MECOM: variants seen among roughly 807,000 people sequenced by gnomAD.
MECOM encodes MDS1 and EVI1 complex locus.
MECOM carries 13 observed loss-of-function variants against 116.3 expected under a neutral mutation model. That is an observed-to-expected ratio of 0.11 (90% CI 0.07 to 0.18). MECOM has a LOEUF of 0.18. Among genes scored for constraint, MECOM ranks in the 10% least tolerant of loss-of-function variants. MECOM has a pLI of 1.00. For missense variants in MECOM, 1,299 were observed against 1,509.0 expected (o/e 0.86, Z 2.31); for synonymous variants, 528 against 535.2 (o/e 0.99, Z 0.19).
In MECOM at chr3:169,085,076, GCATTTGAAAAA is replaced by G. The variant is rs1717216811; in HGVS notation, c.3586-44_3586-34del. 3.1e-6 allele frequency: 5 copies of G among 1,612,672 alleles called. No individual in the cohort carries two copies. In the African/African-American group the frequency reaches 5.3e-5, roughly 17 times the overall value. On this transcript the variant is annotated intron_variant, in intron 16 of 16. Coordinates refer to ENST00000651503, the MANE Select transcript of MECOM (RefSeq NM_004991.4). ...AAAAAGGAGAGAGACTCAGTAAATGGCATTTGAAAAACATCACTTTTAGTTCAAAGAATATT... is the reference window on the plus strand; with the variant it reads ...AAAAAGGAGAGAGACTCAGTAAATGGCATCACTTTTAGTTCAAAGAATATT...
intron 1 of MECOM, among the ~76,000 whole-genome samples, chr3:169,475,617 T>G (rs1436173477): frequency 1.3e-5 from 2 of 151,696 alleles, no homozygotes. Context: ...CTGTCTTAAA[T>G]CGGGTAGAAA....
rs188878241 is a variant in MECOM, at chr3:169,580,312, T to C, written c.37+83024A>G. Among the ~76,000 whole-genome samples, 994 of 152,286 alleles carry C rather than the reference T, an allele frequency of 6.5e-3. 14 individuals are homozygous for C. The highest frequency in any genetic ancestry group is 0.023 in the African/African-American group (952 of 41,534). On this transcript the variant is annotated intron_variant, in intron 1 of 16. Transcript: ENST00000651503. ...TTAGTGATGATTTCTGAGATTTTGG[T>C]GGACCCATCACCCGAGCAGGGTACG...
intron 2 of MECOM, among the ~76,000 whole-genome samples, chr3:169,319,981 A>T (rs758539966): frequency 6.6e-6 from 1 of 152,254 alleles, no homozygotes; most frequent in African/African-American, 2.4e-5. Flanking sequence ...CAAAGGATTT[A>T]ACAAGAGGTC....
chr3:169,487,051 A>C lies in MECOM; in HGVS notation c.38-105527T>G, dbSNP rs373404035. Among the ~76,000 whole-genome samples the C allele has an allele frequency of 1.1e-4, 16 of 152,210 alleles. 1 individual carries two copies. The highest frequency in any genetic ancestry group is 3.9e-4 in the African/African-American group (16 of 41,542). ...TATCTCATGTCTTTCTTTTGGTTTT[A>C]ATTTTTATTTCACATTTTTAATTGT... On this transcript the variant is annotated intron_variant, in intron 1 of 16. Coordinates refer to ENST00000651503, the MANE Select transcript of MECOM (RefSeq NM_004991.4).
intron 2 of MECOM, among the ~76,000 whole-genome samples, chr3:169,253,981 T>C (rs1756558587): frequency 1.3e-5 from 2 of 152,152 alleles, no homozygotes; most frequent in Non-Finnish European, 2.9e-5. Flanking sequence ...GTTATTCCTA[T>C]GAAATATTTA....
At chr3:169,233,809 T>G (rs1753700537) in intron 2 of MECOM, among the ~76,000 whole-genome samples, 2 of 152,174 alleles carry the variant, frequency 1.3e-5, no homozygotes, top group Non-Finnish European at 2.9e-5. Context: ...GTAAAGAGCA[T>G]GCTGCACCTA....
At chr3:169,226,436 T>C (rs1560016703) in intron 2 of MECOM, among the ~76,000 whole-genome samples, 1 of 152,258 alleles carries the variant, frequency 6.6e-6, no homozygotes, top group Non-Finnish European at 1.5e-5. Flanking sequence ...GAATTACGTA[T>C]TATGAATTTC....
intron 2 of MECOM, among the ~76,000 whole-genome samples, chr3:169,347,567 C>T (rs540577490): frequency 1.3e-5 from 2 of 151,872 alleles, no homozygotes; most frequent in Admixed American, 1.3e-4. Flanking sequence ...TCATACTAAC[C>T]ACAAATAAAA....
chr3:169,299,824 A>G (rs1716364363), intron 2 of MECOM, among the ~76,000 whole-genome samples: 1 of 152,222 alleles, frequency 6.6e-6, no homozygotes, highest in East Asian at 1.9e-4. Flanking sequence ...TTTGCCCCAC[A>G]AAGAAATCAA....
At chr3:169,163,979 T>C (rs1341245189) in intron 2 of MECOM, among the ~76,000 whole-genome samples, 1 of 152,220 alleles carries the variant, frequency 6.6e-6, no homozygotes, top group Non-Finnish European at 1.5e-5. Context: ...CGAAGCAACA[T>C]GATTTTGCCA....
intron 1 of MECOM, among the ~76,000 whole-genome samples, chr3:169,394,805 C>T (rs1317434668): frequency 6.6e-6 from 1 of 152,076 alleles, no homozygotes; most frequent in Non-Finnish European, 1.5e-5. Context: ...GGTTACAGGT[C>T]ATTAATTTGC....
At chr3:169,108,657 A>G (rs1726269503) in intron 9 of MECOM, among the ~76,000 whole-genome samples, 1 of 152,180 alleles carries the variant, frequency 6.6e-6, no homozygotes, top group South Asian at 2.1e-4. Context: ...GTTTTGGTAT[A>G]TTTAATAAGG....
At chr3:169,580,653 T>C (rs750701152) in intron 1 of MECOM, among the ~76,000 whole-genome samples, 8 of 152,120 alleles carry the variant, frequency 5.3e-5, no homozygotes, top group Non-Finnish European at 1.2e-4. Flanking sequence ...GGAGAGACTC[T>C]CATTCAAGTG....
At chr3:169,472,518 G>GAAAGGAAAGGAAAGGAAAGAAAAGA (rs1553863131) in intron 1 of MECOM, among the ~76,000 whole-genome samples, 2 of 70,128 alleles carry the variant, frequency 2.9e-5, no homozygotes, top group East Asian at 4.2e-4. Flanking sequence ...GAAAGGAAAG[G>GAAAGGAAAGGAAAGGAAAGAAAAGA]AAAGAAAAGA....
intron 2 of MECOM, among the ~76,000 whole-genome samples, chr3:169,260,526 G>T (rs1358601347): frequency 6.7e-6 from 1 of 149,968 alleles, no homozygotes; most frequent in Non-Finnish European, 1.5e-5. Flanking sequence ...GGTTAAATCT[G>T]CGAAAAGTAA....
intron 1 of MECOM, chr3:169,483,906 C>G: frequency 6.2e-7 from 1 of 1,609,488 alleles, no homozygotes; most frequent in Non-Finnish European, 8.5e-7. Context: ...CCCAGCTTTT[C>G]CGTTCACTTT....
intron 1 of MECOM, among the ~76,000 whole-genome samples, chr3:169,533,910 C>G (rs527363394): frequency 6.6e-6 from 1 of 152,218 alleles, no homozygotes; most frequent in Non-Finnish European, 1.5e-5. Flanking sequence ...TGATAGTAAT[C>G]CATTTTATTT....
chr3:169,254,412 C>T (rs942217764), intron 2 of MECOM, among the ~76,000 whole-genome samples: 2 of 152,148 alleles, frequency 1.3e-5, no homozygotes, highest in African/African-American at 4.8e-5. Context: ...AGGCAGCAGA[C>T]ACTCATTCAT....
At chr3:169,618,484 C>T (rs1002613462) in intron 1 of MECOM, among the ~76,000 whole-genome samples, 7 of 152,088 alleles carry the variant, frequency 4.6e-5, no homozygotes, top group South Asian at 2.1e-4. Flanking sequence ...GGTGAAACCC[C>T]GTCTCTACTA....
Sources: gnomAD v4.1 joint callset for allele counts (sites outside exome capture counted in the v4.1 genomes callset) on GRCh38, gnomAD v4.1.1 for gene constraint, MANE v1.5 for transcripts, NCBI Gene and HGNC (gene_info 2026-07-23, HGNC 2026-07-21) for gene names.